LTA: variants seen among roughly 807,000 people sequenced by gnomAD.
LTA encodes lymphotoxin-alpha.
Under a neutral mutation model 15.1 loss-of-function variants are expected in LTA, and 6 were observed. The ratio of observed to expected loss-of-function variants is 0.40; its 90% CI spans 0.22 to 0.78. The LOEUF (loss-of-function observed/expected upper bound fraction) is 0.78. Ranked by LOEUF, LTA falls within the 30% of genes least tolerant of loss-of-function variation. LTA has a pLI of 0.38. For missense variants in LTA, 173 were observed against 249.5 expected (o/e 0.69, Z 2.06); for synonymous variants, 87 against 107.3 (o/e 0.81, Z 1.17).
chr6:31,574,171 C>T lies in LTA; in HGVS notation c.*478C>T, dbSNP rs17207127. Reference sequence around the variant, plus strand: ...AAGAGATGAAGAGTGAGAGGGCATGCGCACAAGGCTGACCAAGAGAGAAAG... The same window carrying T: ...AAGAGATGAAGAGTGAGAGGGCATGTGCACAAGGCTGACCAAGAGAGAAAG... On this transcript the variant is annotated 3_prime_UTR_variant, in exon 4 of 4. Transcript: ENST00000418386. The T allele has an allele frequency of 7.3e-3, 2,033 of 279,118 alleles. 23 individuals are homozygous for T. Among genetic ancestry groups the T allele is most frequent in the Middle Eastern group, 0.051 (40 of 780 alleles). The allele number at this position is 279,118 out of a possible 1,614,324, so 17.3% of individuals were successfully genotyped here. A position where few individuals can be genotyped will look rare whatever the true frequency, so the allele number is the denominator to read the frequency against.
Position 31,572,851 on chromosome 6 carries a change from C to T in LTA, c.99+10C>T, listed in dbSNP as rs1158466171. 1 of 1,611,704 alleles carries T rather than the reference C, an allele frequency of 6.2e-7. No individual in the cohort carries two copies. Among genetic ancestry groups the T allele is most frequent in the Non-Finnish European group, 8.5e-7 (1 of 1,179,758 alleles). On this transcript the variant is annotated intron_variant, in intron 2 of 3. Transcript: ENST00000418386. ...GCTGCCTGGGGCCCAGGTGAGGCAG[C>T]AGGAGAATGGGGGCTGCTGGGGTGG...
Position 31,573,996 on chromosome 6 carries a change from A to G in LTA, c.*303A>G. ...AGGTGGGGCCTAGATCCACACACAG[A>G]GGAAGAGCAGGCACATGGAGGAGCT... On this transcript the variant is annotated 3_prime_UTR_variant, in exon 4 of 4. Transcript: ENST00000418386. 1 of 567,992 alleles carries G rather than the reference A, an allele frequency of 1.8e-6. No homozygotes were observed. The highest frequency in any genetic ancestry group is 3.2e-6 in the Non-Finnish European group (1 of 314,316). The allele number at this position is 567,992 out of a possible 1,614,324, so 35.2% of individuals were successfully genotyped here. A position where few individuals can be genotyped will look rare whatever the true frequency, so the allele number is the denominator to read the frequency against.
chr6:31,572,606 T>C, intron 1 of LTA, 128 bp from the exon 2 acceptor site: 2 of 645,388 alleles, frequency 3.1e-6, no homozygotes, highest in East Asian at 5.4e-5. Context: ...TGACTGCATC[T>C]TGTCCCCTTC....
chr6:31,566,440 C>G, the LTA span, among the ~76,000 whole-genome samples: 1 of 151,768 alleles, frequency 6.6e-6, no homozygotes, highest in East Asian at 1.9e-4. Flanking sequence ...GTCAGGAGTT[C>G]AAGACCAGCC....
At chr6:31,561,398 G>T in the LTA span, among the ~76,000 whole-genome samples, 1 of 152,178 alleles carries the variant, frequency 6.6e-6, no homozygotes, top group Non-Finnish European at 1.5e-5. Flanking sequence ...AAGGTGGGTG[G>T]TGGTGGCCAG....
In LTA at chr6:31,572,927, G is replaced by C; in HGVS notation, c.100-1G>C. On this transcript the variant is annotated splice_acceptor_variant, in intron 2 of 3. Coordinates refer to ENST00000418386, the MANE Select transcript of LTA (RefSeq NM_000595.4). LOFTEE classifies it high-confidence loss of function. ...CCCCCCTCAACTCTGTTCTCCCCTA[G>C]GGGCTCCCTGGTGTTGGCCTCACAC... 6.2e-7 allele frequency: 1 copy of C among 1,612,168 alleles called. No individual in the cohort carries two copies. The highest frequency in any genetic ancestry group is 8.5e-7 in the Non-Finnish European group (1 of 1,179,656).
chr6:31,562,701 C>T, the LTA span, among the ~76,000 whole-genome samples: 5 of 151,700 alleles, frequency 3.3e-5, no homozygotes, highest in African/African-American at 7.3e-5. Context: ...CGCATCTCTA[C>T]GAAAGATACA....
At chr6:31,564,211 C>G in the LTA span, among the ~76,000 whole-genome samples, 1 of 152,188 alleles carries the variant, frequency 6.6e-6, no homozygotes, top group Non-Finnish European at 1.5e-5. Context: ...AACCAGTAGA[C>G]TTGAGAAACT....
At chr6:31,569,962 G>A (rs1770749543), upstream of LTA, among the ~76,000 whole-genome samples, 1 of 152,176 alleles carries the variant, frequency 6.6e-6, no homozygotes, top group African/African-American at 2.4e-5. Flanking sequence ...CCCAGTCCCA[G>A]TCTGTGACCA....
upstream of LTA, among the ~76,000 whole-genome samples, chr6:31,568,977 C>CT (rs1770703067): frequency 6.6e-6 from 1 of 151,776 alleles, no homozygotes; most frequent in Non-Finnish European, 1.5e-5. The surrounding 1 kb of genome is among the most constrained non-coding windows in gnomAD (Gnocchi z 4.1). Flanking sequence ...ATTGCAATAC[C>CT]TTTTTTTGTT....
At chr6:31,571,649 T>A (rs1057231257), upstream of LTA, among the ~76,000 whole-genome samples, 7 of 152,188 alleles carry the variant, frequency 4.6e-5, no homozygotes, top group African/African-American at 1.7e-4. Flanking sequence ...TCCAGCATCA[T>A]CTCTGAGTAA....
upstream of LTA, among the ~76,000 whole-genome samples, chr6:31,567,086 A>G (rs1171759872): frequency 6.6e-6 from 1 of 152,162 alleles, no homozygotes; most frequent in Non-Finnish European, 1.5e-5. Flanking sequence ...ACCTGAGGTC[A>G]GGAGTTTGAG....
At chr6:31,565,632 A>G in the LTA span, among the ~76,000 whole-genome samples, 1 of 152,114 alleles carries the variant, frequency 6.6e-6, no homozygotes, top group East Asian at 1.9e-4. Flanking sequence ...ATAGACTTAG[A>G]CTTACCACAC....
At chr6:31,569,482 A>G (rs1770724516), upstream of LTA, among the ~76,000 whole-genome samples, 1 of 152,116 alleles carries the variant, frequency 6.6e-6, no homozygotes, top group Admixed American at 6.5e-5. Flanking sequence ...CTGACACAAG[A>G]GATAATAAGG....
chr6:31,568,978 T>G (rs554837877), upstream of LTA, among the ~76,000 whole-genome samples: 1 of 152,058 alleles, frequency 6.6e-6, no homozygotes, highest in Non-Finnish European at 1.5e-5. This position sits in a 1 kb window ranked among gnomAD's most constrained non-coding sequence, Gnocchi z 4.1. Context: ...TTGCAATACC[T>G]TTTTTTGTTT....
upstream of LTA, among the ~76,000 whole-genome samples, chr6:31,571,888 T>C (rs563400937): frequency 6.6e-6 from 1 of 150,612 alleles, no homozygotes; most frequent in Admixed American, 6.6e-5. Context: ...GAGAAGGAAA[T>C]GGGCAAAGAG....
the LTA span, among the ~76,000 whole-genome samples, chr6:31,565,773 C>T: frequency 1.3e-4 from 20 of 152,314 alleles, no homozygotes; most frequent in Middle Eastern, 3.4e-3. Context: ...ATATCCCAAA[C>T]TTGTCTACTT....
chr6:31,571,698 C>G (rs1364061362), upstream of LTA, among the ~76,000 whole-genome samples: 1 of 150,454 alleles, frequency 6.6e-6, no homozygotes, highest in Non-Finnish European at 1.5e-5. Flanking sequence ...AGGACACTTT[C>G]AAGAGTGGAA....
chr6:31,569,284 C>T (rs1319563613), upstream of LTA, among the ~76,000 whole-genome samples: 2 of 152,202 alleles, frequency 1.3e-5, no homozygotes, highest in East Asian at 1.9e-4. Context: ...GCTGGGATGA[C>T]AGGCATGTGC....
Sources: gnomAD v4.1 joint callset for allele counts (sites outside exome capture counted in the v4.1 genomes callset) on GRCh38, gnomAD v4.1.1 for gene constraint, Gnocchi (gnomAD v3.1) non-coding constraint, MANE v1.5 for transcripts, NCBI Gene and HGNC (gene_info 2026-07-23, HGNC 2026-07-21) for gene names.